Variants in RBMS3 observed in about 807,000 individuals in gnomAD.
RBMS3 encodes RNA-binding motif, single-stranded-interacting protein 3.
Under a neutral mutation model 66.8 loss-of-function variants are expected in RBMS3, and 27 were observed. The ratio of observed to expected loss-of-function variants is 0.40; its 90% CI spans 0.30 to 0.56. The LOEUF is 0.56. Among genes scored for constraint, RBMS3 ranks in the 20% least tolerant of loss-of-function variants. The pLI, the probability that RBMS3 is intolerant of heterozygous loss-of-function variation, is 0.40. For synonymous variants in RBMS3, 188 were observed against 183.0 expected (o/e 1.03, Z -0.22); for missense variants, 513 against 549.5 (o/e 0.93, Z 0.66).
intron 4 of RBMS3, among the ~76,000 whole-genome samples, chr3:29,620,577 T>C (rs938972892): frequency 1.3e-5 from 2 of 152,244 alleles, no homozygotes; most frequent in Admixed American, 6.5e-5. Context: ...TCAATTAGAA[T>C]AATATTTATA....
chr3:29,364,147 A>G (rs1439108882), intron 1 of RBMS3, among the ~76,000 whole-genome samples: 1 of 152,202 alleles, frequency 6.6e-6, no homozygotes, highest in East Asian at 1.9e-4. Flanking sequence ...TAAATATAGA[A>G]CAGATGCGTA....
At chr3:29,649,080 G>T (rs1254440600) in intron 4 of RBMS3, among the ~76,000 whole-genome samples, 2 of 152,020 alleles carry the variant, frequency 1.3e-5, no homozygotes, top group African/African-American at 2.4e-5. Flanking sequence ...TAACTTCTTT[G>T]GTCTAAGGTT....
At chr3:29,683,433 C>T (rs1026534062) in intron 4 of RBMS3, among the ~76,000 whole-genome samples, 4 of 152,008 alleles carry the variant, frequency 2.6e-5, no homozygotes, top group African/African-American at 9.7e-5. Context: ...TGAACAATAG[C>T]AGTGGGGAAT....
At chr3:29,531,142 C>T (rs1004566915) in intron 3 of RBMS3, among the ~76,000 whole-genome samples, 1 of 152,150 alleles carries the variant, frequency 6.6e-6, no homozygotes, top group Non-Finnish European at 1.5e-5. Flanking sequence ...ATGGAAACTT[C>T]GTATTTTGTT....
intron 6 of RBMS3, among the ~76,000 whole-genome samples, chr3:29,829,755 T>C (rs2058315719): frequency 6.6e-6 from 1 of 152,162 alleles, no homozygotes; most frequent in Admixed American, 6.5e-5. Flanking sequence ...TGTCAGGCAA[T>C]AAGTCAGAAT....
chr3:29,968,881 C>T (rs1415968278), intron 12 of RBMS3, among the ~76,000 whole-genome samples: 1 of 150,946 alleles, frequency 6.6e-6, no homozygotes. Context: ...TACCTGAATG[C>T]GTTAACATTT....
At chr3:29,997,063 C>A (rs1699293955) in intron 14 of RBMS3, among the ~76,000 whole-genome samples, 1 of 151,378 alleles carries the variant, frequency 6.6e-6, no homozygotes, top group Admixed American at 6.6e-5. Context: ...CAAATAGACG[C>A]AATAAAAAAT....
chr3:29,414,542 C>G (rs552814112), intron 1 of RBMS3, among the ~76,000 whole-genome samples: 5 of 152,170 alleles, frequency 3.3e-5, no homozygotes, highest in Non-Finnish European at 7.4e-5. Flanking sequence ...CTTGGAATTA[C>G]TTCATTCATT....
At chr3:29,994,284 C>G (rs935196613) in intron 14 of RBMS3, among the ~76,000 whole-genome samples, 5 of 152,230 alleles carry the variant, frequency 3.3e-5, no homozygotes, top group Non-Finnish European at 5.9e-5. Flanking sequence ...GTCCTACCCC[C>G]ACGGAGTCTC....
intron 3 of RBMS3, among the ~76,000 whole-genome samples, chr3:29,495,808 G>T (rs1352909568): frequency 1.3e-5 from 2 of 152,074 alleles, no homozygotes; most frequent in African/African-American, 4.8e-5. Context: ...GTAATTACAG[G>T]ACATGAGGTA....
At chr3:29,443,194 G>T (rs538927244) in intron 2 of RBMS3, among the ~76,000 whole-genome samples, 23 of 152,052 alleles carry the variant, frequency 1.5e-4, no homozygotes, top group South Asian at 2.1e-4. Context: ...AAATCTTGGG[G>T]TAACTCTTTT....
rs550933277 is a variant in RBMS3 at position 29,447,102 on chromosome 3, G to A, written c.248+12187G>A. 1.6e-4 allele frequency among the ~76,000 whole-genome samples: 25 copies of A among 151,696 alleles called. No individual in the cohort carries two copies. The South Asian group carries it at 1.9e-3, about 11-fold the overall frequency. On this transcript the variant is annotated intron_variant, in intron 2 of 14. Coordinates refer to ENST00000383767, the MANE Select transcript of RBMS3 (RefSeq NM_001003793.3). ...TAATTTTTGTATTTTTTGTAAAGAC[G>A]GGGTTTCACCATGTTGGCCAGGCTG...
intron 4 of RBMS3, among the ~76,000 whole-genome samples, chr3:29,685,192 G>A (rs2149265398): frequency 6.6e-6 from 1 of 152,144 alleles, no homozygotes; most frequent in Non-Finnish European, 1.5e-5. Context: ...CCGAGTAGCT[G>A]GGACTACAGG....
intron 4 of RBMS3, among the ~76,000 whole-genome samples, chr3:29,719,134 A>T (rs547150676): frequency 3.3e-5 from 5 of 151,946 alleles, no homozygotes; most frequent in African/African-American, 4.8e-5. Flanking sequence ...GGGGCCTAAG[A>T]CTCTCCATTT....
At chr3:29,671,068 A>G (rs2050980075) in intron 4 of RBMS3, among the ~76,000 whole-genome samples, 1 of 152,190 alleles carries the variant, frequency 6.6e-6, no homozygotes, top group South Asian at 2.1e-4. Flanking sequence ...AGGAAGGATC[A>G]GACAGCAACA....
intron 1 of RBMS3, among the ~76,000 whole-genome samples, chr3:29,303,512 A>C (rs1375999743): frequency 6.6e-6 from 1 of 152,012 alleles, no homozygotes; most frequent in Non-Finnish European, 1.5e-5. Flanking sequence ...TATTTTGCTT[A>C]CCTTTTCAAG....
chr3:29,697,133 T>C, intron 4 of RBMS3: 1 of 982,712 alleles, frequency 1.0e-6, no homozygotes. Flanking sequence ...TTGTTTTTAT[T>C]TCTTATACAG....
At chr3:29,340,028 A>G (rs932557196) in intron 1 of RBMS3, among the ~76,000 whole-genome samples, 33 of 152,144 alleles carry the variant, frequency 2.2e-4, no homozygotes, top group African/African-American at 7.7e-4. Context: ...ATTGCCTTGC[A>G]TTTTTGCTGA....
chr3:30,001,102 T>C (rs1699588903), intron 14 of RBMS3, among the ~76,000 whole-genome samples: 1 of 152,112 alleles, frequency 6.6e-6, no homozygotes, highest in Non-Finnish European at 1.5e-5. Flanking sequence ...CAATTTGTAA[T>C]TTAGATACCT....
Sources: allele counts gnomAD v4.1 joint callset (sites outside exome capture counted in the v4.1 genomes callset), GRCh38; gene constraint gnomAD v4.1.1; transcripts MANE v1.5; gene names NCBI Gene and HGNC (gene_info 2026-07-23, HGNC 2026-07-21).